The following NALF1 variants were observed in gnomAD, a reference collection of about 807,000 sequenced individuals.
The protein encoded by NALF1 is family with sequence similarity 155 member A.
Under a neutral mutation model 48.4 loss-of-function variants are expected in NALF1, and 3 were observed. The observed-to-expected ratio is 0.06, with a 90% confidence interval of 0.03 to 0.16. The LOEUF (loss-of-function observed/expected upper bound fraction) is 0.16, where lower values mean the gene tolerates loss of function less well. NALF1 is among the 10% of genes least tolerant of loss of function. The pLI, the probability that NALF1 is intolerant of heterozygous loss-of-function variation, is 1.00. For synonymous variants in NALF1, 262 were observed against 245.7 expected (o/e 1.07, Z -0.62); for missense variants, 526 against 571.5 (o/e 0.92, Z 0.81).
chr13:107,416,236 C>T (rs1029742859), intron 1 of NALF1, among the ~76,000 whole-genome samples: 3 of 151,378 alleles, frequency 2.0e-5, no homozygotes, highest in Admixed American at 6.6e-5. Flanking sequence ...AGGATGGTCT[C>T]GATCTCCTGA....
chr13:107,166,465 A>C lies in NALF1; in HGVS notation c.*4032T>G, dbSNP rs528704052. ...GAAAAGAAATTAAATACCTGACTGC[A>C]GTTCTAAATAAATAAAACAAAATGC... On this transcript the variant is annotated 3_prime_UTR_variant, in exon 3 of 3. Transcript: ENST00000375915. 2 of 152,336 alleles carry C rather than the reference A, an allele frequency of 1.3e-5. No homozygotes were observed. The highest frequency in any genetic ancestry group is 3.9e-4 in the East Asian group (2 of 5,178). The allele number at this position is 152,336 out of a possible 1,614,324, so 9.4% of individuals were successfully genotyped here. A position where few individuals can be genotyped will look rare whatever the true frequency, so the allele number is the denominator to read the frequency against.
At chr13:107,236,001 A>T (rs909060793) in intron 1 of NALF1, among the ~76,000 whole-genome samples, 5 of 152,180 alleles carry the variant, frequency 3.3e-5, no homozygotes, top group Non-Finnish European at 7.3e-5. Flanking sequence ...AGGAAAGAAT[A>T]CTCCAAAAGA....
Position 107,431,639 on chromosome 13 carries a change from G to A in NALF1, c.916-220884C>T, listed in dbSNP as rs183632929. Among the ~76,000 whole-genome samples, 7 of 152,298 alleles carry A rather than the reference G, an allele frequency of 4.6e-5. 1 individual carries two copies. In the East Asian group the frequency reaches 5.8e-4, roughly 13 times the overall value. On this transcript the variant is annotated intron_variant, in intron 1 of 2. Coordinates refer to ENST00000375915, the MANE Select transcript of NALF1 (RefSeq NM_001080396.3). The stretch of plus-strand genomic sequence containing the variant: ...GCACAAGAGTGAGGGATGCTAGCCC[G>A]TCATGGTCTGGGCACCCAGGACTTT...
intron 1 of NALF1, among the ~76,000 whole-genome samples, chr13:107,444,562 A>C (rs969243734): frequency 1.3e-5 from 2 of 152,178 alleles, no homozygotes; most frequent in Admixed American, 1.3e-4. Context: ...TATGGCCCAG[A>C]ATAAACTTGA....
At chr13:107,494,244 G>T (rs563965273) in intron 1 of NALF1, among the ~76,000 whole-genome samples, 13 of 152,242 alleles carry the variant, frequency 8.5e-5, no homozygotes, top group African/African-American at 3.1e-4. Flanking sequence ...GTCATAAGAG[G>T]ACAAATTAAT....
chr13:107,782,778 A>G (rs1198600990), intron 1 of NALF1, among the ~76,000 whole-genome samples: 2 of 144,854 alleles, frequency 1.4e-5, no homozygotes, highest in African/African-American at 2.6e-5. Flanking sequence ...GTCTCTGCCC[A>G]GCCGCCCCAT....
intron 1 of NALF1, among the ~76,000 whole-genome samples, chr13:107,507,590 C>A (rs1875739900): frequency 1.1e-5 from 1 of 87,592 alleles, no homozygotes; most frequent in African/African-American, 4.1e-5. Flanking sequence ...TGTTTATTCT[C>A]CATTAAAAAA....
intron 1 of NALF1, among the ~76,000 whole-genome samples, chr13:107,748,938 T>C (rs1435048007): frequency 1.3e-5 from 2 of 152,004 alleles, no homozygotes; most frequent in Non-Finnish European, 2.9e-5. Context: ...ACAATACACA[T>C]GAGGAATGCT....
intron 1 of NALF1, among the ~76,000 whole-genome samples, chr13:107,851,805 C>CTTTTTTTTTTTTTTTTTT (rs34999908): frequency 9.6e-6 from 1 of 104,702 alleles, no homozygotes; most frequent in East Asian, 2.9e-4. Context: ...CAGGCCCTTT[C>CTTTTTTTTTTTTTTTTTT]TTTTTTTTTT....
chr13:107,490,647 A>G (rs1025442892), intron 1 of NALF1, among the ~76,000 whole-genome samples: 1 of 152,154 alleles, frequency 6.6e-6, no homozygotes, highest in African/African-American at 2.4e-5. Flanking sequence ...AATAATCTGT[A>G]CAACAAACTC....
chr13:107,774,985 A>G lies in NALF1; in HGVS notation c.915+90697T>C, dbSNP rs7323469. 2.5e-3 allele frequency among the ~76,000 whole-genome samples: 376 copies of G among 152,310 alleles called. 4 individuals are homozygous for G. The highest frequency in any genetic ancestry group is 8.5e-3 in the African/African-American group (354 of 41,576). On this transcript the variant is annotated intron_variant, in intron 1 of 2. Coordinates refer to ENST00000375915, the MANE Select transcript of NALF1 (RefSeq NM_001080396.3). The stretch of plus-strand genomic sequence containing the variant: ...TCCCAATGAACTGTGAATTTCACTG[A>G]GATCAGAAACACAAAGCTATACTCT...
chr13:107,699,123 T>C (rs1212013061), intron 1 of NALF1, among the ~76,000 whole-genome samples: 1 of 152,168 alleles, frequency 6.6e-6, no homozygotes, highest in Non-Finnish European at 1.5e-5. Context: ...AAATACATTG[T>C]TACAAATTAC....
chr13:107,754,390 CA>C lies in NALF1; in HGVS notation c.915+111291del, dbSNP rs1289777513. ...ACACACACACACACACACACACACACACACACACCATATATGGAACCGCTGA... is the reference window on the plus strand; with the variant it reads ...ACACACACACACACACACACACACACCACACACCATATATGGAACCGCTGA... On this transcript the variant is annotated intron_variant, in intron 1 of 2. Transcript: ENST00000375915. Among the ~76,000 whole-genome samples, 341 of 138,768 alleles carry C rather than the reference CA, an allele frequency of 2.5e-3. 4 individuals carry two copies. The East Asian group carries it at 0.041, about 17-fold the overall frequency. The allele number at this position is 138,768 out of a possible 152,430, so 91.0% of individuals were successfully genotyped here.
At chr13:107,725,737 A>G (rs1876130877) in intron 1 of NALF1, among the ~76,000 whole-genome samples, 1 of 152,086 alleles carries the variant, frequency 6.6e-6, no homozygotes, top group Non-Finnish European at 1.5e-5. Flanking sequence ...ACTCACTGAC[A>G]TATTGCAGCC....
At chr13:107,486,741 T>G (rs1394027736) in intron 1 of NALF1, among the ~76,000 whole-genome samples, 4 of 152,158 alleles carry the variant, frequency 2.6e-5, no homozygotes, top group Non-Finnish European at 4.4e-5. Flanking sequence ...CAAAAATGAG[T>G]GTGGCCTCTC....
At chr13:107,509,140 A>G (rs1566370882) in intron 1 of NALF1, among the ~76,000 whole-genome samples, 1 of 152,180 alleles carries the variant, frequency 6.6e-6, no homozygotes, top group Non-Finnish European at 1.5e-5. Context: ...TGTTTATACA[A>G]AAGTGATTTG....
chr13:107,318,065 T>C (rs1882183479), intron 1 of NALF1, among the ~76,000 whole-genome samples: 1 of 152,030 alleles, frequency 6.6e-6, no homozygotes, highest in Non-Finnish European at 1.5e-5. Context: ...GGCATGCAAA[T>C]ACGGTAAGGA....
chr13:107,801,358 C>G (rs1479661795), intron 1 of NALF1, among the ~76,000 whole-genome samples: 1 of 152,108 alleles, frequency 6.6e-6, no homozygotes, highest in Non-Finnish European at 1.5e-5. Context: ...AAATGGTGTA[C>G]TAGGATGATG....
intron 1 of NALF1, among the ~76,000 whole-genome samples, chr13:107,600,359 T>C (rs1203547916): frequency 1.3e-5 from 2 of 152,170 alleles, no homozygotes; most frequent in Non-Finnish European, 2.9e-5. Flanking sequence ...AGAGTTAGAA[T>C]GACTTAAGAT....
Sources: gnomAD v4.1 joint callset for allele counts (sites outside exome capture counted in the v4.1 genomes callset) on GRCh38, gnomAD v4.1.1 for gene constraint, MANE v1.5 for transcripts, NCBI Gene and HGNC (gene_info 2026-07-23, HGNC 2026-07-21) for gene names.